MDGA1: variants seen among roughly 807,000 people sequenced by gnomAD.
The protein encoded by MDGA1 is MAM domain containing glycosylphosphatidylinositol anchor 1.
In MDGA1, 54 loss-of-function variants were observed where a neutral mutation model predicts 101.5. The observed-to-expected ratio is 0.53, with a 90% CI of 0.43 to 0.67. The LOEUF (loss-of-function observed/expected upper bound fraction) is 0.67. MDGA1 is among the 30% of genes least tolerant of loss of function. The probability of loss-of-function intolerance (pLI) is 0.00; values close to 1 mark genes in which losing one functional copy is unlikely to be tolerated. For missense variants in MDGA1, 1,083 were observed against 1,323.8 expected (o/e 0.82, Z 2.82); for synonymous variants, 533 against 558.3 (o/e 0.95, Z 0.64).
intron 1 of MDGA1, among the ~76,000 whole-genome samples, chr6:37,667,177 A>G (rs192585180): frequency 9.4e-4 from 143 of 152,340 alleles, no homozygotes; most frequent in African/African-American, 3.3e-3. Flanking sequence ...ACTGGGAGTG[A>G]CACAGGCTAT....
At chr6:37,695,954 G>T (rs1390432007) in intron 1 of MDGA1, among the ~76,000 whole-genome samples, 1 of 152,216 alleles carries the variant, frequency 6.6e-6, no homozygotes, top group Non-Finnish European at 1.5e-5. Flanking sequence ...GAAGGGGGAA[G>T]GGGTAACCAG....
At position 37,662,738 on chromosome 6, in the gene MDGA1, C is replaced by T. The variant is rs941322864; in HGVS notation, c.207+1229G>A. ...AAGGGTTTGCGCCTGGGTGGTAGAA[C>T]GAATGAAACCACTGATGGAAATAGA... is the stretch of plus-strand genomic sequence containing the variant. On this transcript the variant is annotated intron_variant, in intron 2 of 16. Coordinates refer to ENST00000434837, the MANE Select transcript of MDGA1 (RefSeq NM_153487.4). Among the ~76,000 whole-genome samples, 5 of 152,062 alleles carry T rather than the reference C, an allele frequency of 3.3e-5. No homozygotes were observed. The East Asian group carries it at 7.7e-4, about 24-fold the overall frequency.
At chr6:37,647,630 C>G (rs1761241503) in intron 9 of MDGA1, among the ~76,000 whole-genome samples, 1 of 149,768 alleles carries the variant, frequency 6.7e-6, no homozygotes, top group African/African-American at 2.5e-5. Context: ...TAGGAAGACA[C>G]AGAAAAGGGA....
intron 8 of MDGA1, 167 bp downstream of exon 8, chr6:37,649,942 G>T: frequency 1.3e-6 from 1 of 786,994 alleles, no homozygotes. Context: ...AAAGAACACA[G>T]ACCTCCGTGT....
intron 7 of MDGA1, among the ~76,000 whole-genome samples, chr6:37,651,618 TA>T (rs34185137): frequency 0.65 from 98,079 of 151,302 alleles, 32,428 homozygotes; most frequent in East Asian, 0.85. Flanking sequence ...GCTCTAGTTC[TA>T]CTAAGACATT....
intron 13 of MDGA1, 21 bp downstream of exon 13, chr6:37,644,476 G>A: frequency 6.6e-7 from 1 of 1,522,016 alleles, no homozygotes; most frequent in Non-Finnish European, 8.8e-7. Flanking sequence ...CTCCATTTCT[G>A]GCAGCAGGCC....
chr6:37,668,889 C>T (rs1380533367), intron 1 of MDGA1, among the ~76,000 whole-genome samples: 1 of 152,066 alleles, frequency 6.6e-6, no homozygotes, highest in Non-Finnish European at 1.5e-5. Context: ...GCTCTGTCGC[C>T]CAGGCTGGAG....
At chr6:37,682,838 G>A (rs1432372153) in intron 1 of MDGA1, among the ~76,000 whole-genome samples, 1 of 152,170 alleles carries the variant, frequency 6.6e-6, no homozygotes, top group African/African-American at 2.4e-5. Context: ...GAGAGAGAGA[G>A]AAATATACAA....
In MDGA1 at chr6:37,644,650, C is replaced by A; in HGVS notation, c.2249-1G>T. On this transcript the variant is annotated splice_acceptor_variant, in intron 12 of 16. Transcript: ENST00000434837. LOFTEE classifies it high-confidence loss of function. ...TCATCCTCAAAGTGGCAGGTGTTGT[C>A]TGCATTTTATGGGGCGAATGAGACA... 6.4e-7 allele frequency: 1 copy of A among 1,574,182 alleles called. No homozygotes were observed. Among genetic ancestry groups the A allele is most frequent in the Non-Finnish European group, 8.6e-7 (1 of 1,160,262 alleles).
At position 37,637,324 on chromosome 6, in the gene MDGA1, G is replaced by A. The variant is rs804842; in HGVS notation, c.*44C>T. On this transcript the variant is annotated 3_prime_UTR_variant, in exon 17 of 17. Coordinates refer to ENST00000434837, the MANE Select transcript of MDGA1 (RefSeq NM_153487.4). Reference sequence around the variant, plus strand: ...GTCTTTGGTACAATGTGGACACTTTGGTGTGCCGGGGGCAAGGTTGGGGGG... The same window carrying A: ...GTCTTTGGTACAATGTGGACACTTTAGTGTGCCGGGGGCAAGGTTGGGGGG... The A allele has an allele frequency of 6.6e-7, 1 of 1,511,556 alleles. No individual in the cohort carries two copies. 93.6% of individuals were successfully genotyped at this position (1,511,556 alleles called of 1,614,324 possible).
chr6:37,664,944 T>C (rs1761714639), intron 1 of MDGA1, among the ~76,000 whole-genome samples: 1 of 146,160 alleles, frequency 6.8e-6, no homozygotes, highest in Admixed American at 7.0e-5. Flanking sequence ...TTCATTGTTT[T>C]TTCATTGCTC....
At chr6:37,662,018 C>T (rs1416972103) in intron 2 of MDGA1, among the ~76,000 whole-genome samples, 1 of 151,056 alleles carries the variant, frequency 6.6e-6, no homozygotes, top group Non-Finnish European at 1.5e-5. Context: ...GAAAAATTAG[C>T]TGGGCATGGA....
chr6:37,645,426 T>G (rs1037697185), intron 12 of MDGA1, among the ~76,000 whole-genome samples: 2 of 151,930 alleles, frequency 1.3e-5, no homozygotes, highest in African/African-American at 4.8e-5. Context: ...CCCAGCTACT[T>G]GGGAGGCTGA....
chr6:37,651,216 T>C (rs1447239742), intron 7 of MDGA1, among the ~76,000 whole-genome samples: 1 of 152,234 alleles, frequency 6.6e-6, no homozygotes, highest in Non-Finnish European at 1.5e-5. Flanking sequence ...TAATTAGGGT[T>C]ATTTCTGTTA....
intron 1 of MDGA1, among the ~76,000 whole-genome samples, chr6:37,692,274 C>T (rs1182160745): frequency 2.0e-5 from 3 of 152,134 alleles, no homozygotes; most frequent in Non-Finnish European, 4.4e-5. Context: ...TACCTGGGAC[C>T]GTGTCAGGCT....
intron 1 of MDGA1, among the ~76,000 whole-genome samples, chr6:37,688,583 C>A (rs1305578809): frequency 6.6e-6 from 1 of 152,204 alleles, no homozygotes. Context: ...AGCTGCTATT[C>A]CAGCCTCCCT....
At position 37,638,384 on chromosome 6, in the gene MDGA1, C is replaced by T; in HGVS notation, c.2668-71G>A. On this transcript the variant is annotated intron_variant, in intron 15 of 16. Transcript: ENST00000434837. The surrounding 1 kb of genome is among the most constrained non-coding windows in gnomAD (Gnocchi z 4.8). ...GCTGGGTACCAGAGTGCTCCCTCGACCCCACCTTTCCCCTTAATCTACCTG... is the reference window on the plus strand; with the variant it reads ...GCTGGGTACCAGAGTGCTCCCTCGATCCCACCTTTCCCCTTAATCTACCTG... The T allele has an allele frequency of 4.0e-6, 6 of 1,497,892 alleles. No individual in the cohort carries two copies. Among genetic ancestry groups the T allele is most frequent in the African/African-American group, 1.4e-5 (1 of 72,718 alleles). The allele number at this position is 1,497,892 out of a possible 1,614,324, so 92.8% of individuals were successfully genotyped here. A position where few individuals can be genotyped will look rare whatever the true frequency, so the allele number is the denominator to read the frequency against.
In MDGA1 at chr6:37,631,317, T is replaced by C. The variant is rs1619327; in HGVS notation, c.*6051A>G. 132,233 of 152,210 alleles carry C rather than the reference T, an allele frequency of 0.87. 57,773 individuals carry two copies. The highest frequency in any genetic ancestry group is 1 in the East Asian group (5,169 of 5,184). The allele number at this position is 152,210 out of a possible 1,614,324, so 9.4% of individuals were successfully genotyped here. A position where few individuals can be genotyped will look rare whatever the true frequency, so the allele number is the denominator to read the frequency against. ...TTGAGTGAGCTTGAGCGGATTTCTC[T>C]TCCTGTGCTCAGGGAGCCAACCTAC... On this transcript the variant is annotated 3_prime_UTR_variant, in exon 17 of 17. Coordinates refer to ENST00000434837, the MANE Select transcript of MDGA1 (RefSeq NM_153487.4).
intron 14 of MDGA1, chr6:37,641,672 T>C (rs1413828998): frequency 6.6e-6 from 1 of 152,212 alleles, no homozygotes; most frequent in Non-Finnish European, 1.5e-5. Context: ...ATTCACCACA[T>C]AAAACATAGC....
Sources: gnomAD v4.1 joint callset for allele counts (sites outside exome capture counted in the v4.1 genomes callset) on GRCh38, gnomAD v4.1.1 for gene constraint, Gnocchi (gnomAD v3.1) non-coding constraint, MANE v1.5 for transcripts, NCBI Gene and HGNC (gene_info 2026-07-23, HGNC 2026-07-21) for gene names.